Variants in AGMO observed in about 807,000 individuals in gnomAD.
AGMO encodes the protein alkylglycerol monooxygenase.
AGMO carries 75 observed loss-of-function variants against 60.2 expected under a neutral mutation model. The ratio of observed to expected loss-of-function variants is 1.25; its 90% CI spans 1.03 to 1.51. The LOEUF is 1.51. AGMO is among the 40% of genes most tolerant of loss of function. The probability of loss-of-function intolerance (pLI) is 0.00; values close to 1 mark genes in which losing one functional copy is unlikely to be tolerated. For missense variants in AGMO, 763 were observed against 525.5 expected (o/e 1.45, Z -4.42); for synonymous variants, 261 against 177.1 (o/e 1.47, Z -3.76).
chr7:15,241,414 A>G (rs888083991), intron 12 of AGMO, among the ~76,000 whole-genome samples: 4 of 133,432 alleles, frequency 3.0e-5, no homozygotes, highest in Admixed American at 8.9e-5. Flanking sequence ...GAGCCGGGAT[A>G]GCGCCACTGC....
chr7:15,261,179 A>C (rs962453288), intron 12 of AGMO, among the ~76,000 whole-genome samples: 1 of 152,106 alleles, frequency 6.6e-6, no homozygotes, highest in Non-Finnish European at 1.5e-5. Flanking sequence ...ACTAAATGAA[A>C]TTGAAACAAA....
intron 12 of AGMO, among the ~76,000 whole-genome samples, chr7:15,315,495 G>A (rs965315837): frequency 2.0e-5 from 3 of 151,694 alleles, no homozygotes; most frequent in Admixed American, 6.6e-5. Context: ...GCGCCACCAC[G>A]CCCAGCTAAC....
chr7:15,277,004 T>C (rs1783816491), intron 12 of AGMO, among the ~76,000 whole-genome samples: 1 of 151,942 alleles, frequency 6.6e-6, no homozygotes, highest in African/African-American at 2.4e-5. Flanking sequence ...TTTCTTACAA[T>C]CTAAAGTTTA....
intron 4 of AGMO, among the ~76,000 whole-genome samples, chr7:15,420,583 A>G (rs1780897719): frequency 6.6e-6 from 1 of 152,286 alleles, no homozygotes; most frequent in Non-Finnish European, 1.5e-5. Context: ...AATTTTTACA[A>G]TCGAAAGCAG....
intron 10 of AGMO, among the ~76,000 whole-genome samples, chr7:15,372,787 C>A (rs1344902222): frequency 2.6e-5 from 4 of 152,094 alleles, no homozygotes; most frequent in Non-Finnish European, 5.9e-5. Context: ...AAATTATATA[C>A]TGCTGGTTTA....
chr7:15,376,107 T>G (rs906353442), intron 10 of AGMO, among the ~76,000 whole-genome samples: 1 of 152,144 alleles, frequency 6.6e-6, no homozygotes, highest in Non-Finnish European at 1.5e-5. Flanking sequence ...CTTTTGTTAA[T>G]AGTCTTCCGT....
intron 12 of AGMO, among the ~76,000 whole-genome samples, chr7:15,283,390 G>T (rs940001349): frequency 6.6e-6 from 1 of 151,762 alleles, no homozygotes; most frequent in African/African-American, 2.4e-5. Context: ...GCTGGAAAAA[G>T]ATATTTGATG....
intron 4 of AGMO, among the ~76,000 whole-genome samples, chr7:15,423,017 G>C (rs544171952): frequency 2.6e-5 from 4 of 152,142 alleles, no homozygotes; most frequent in Non-Finnish European, 5.9e-5. Flanking sequence ...AAGCTGCTAA[G>C]CAAATGGCTA....
chr7:15,455,632 A>G (rs1337617986), intron 3 of AGMO, among the ~76,000 whole-genome samples: 2 of 152,118 alleles, frequency 1.3e-5, no homozygotes, highest in Admixed American at 1.3e-4. Context: ...TTCTGAAAAT[A>G]TGTTTATTCT....
chr7:15,363,538 G>C (rs1424391481), intron 12 of AGMO, among the ~76,000 whole-genome samples: 1 of 152,142 alleles, frequency 6.6e-6, no homozygotes, highest in Non-Finnish European at 1.5e-5. Context: ...TAGCTACTTA[G>C]TTCTTAAGCC....
intron 12 of AGMO, among the ~76,000 whole-genome samples, chr7:15,271,480 T>C (rs536591550): frequency 1.3e-5 from 2 of 152,308 alleles, no homozygotes; most frequent in African/African-American, 2.4e-5. Flanking sequence ...TCATTATTGA[T>C]GTATAGCAAT....
At chr7:15,337,094 CA>C (rs965710972) in intron 12 of AGMO, among the ~76,000 whole-genome samples, 2 of 152,138 alleles carry the variant, frequency 1.3e-5, no homozygotes, top group African/African-American at 4.8e-5. Context: ...ATCAGGTTAG[CA>C]AAATGTCACA....
intron 3 of AGMO, among the ~76,000 whole-genome samples, chr7:15,514,115 C>A (rs868653693): frequency 1.3e-5 from 2 of 152,142 alleles, no homozygotes; most frequent in South Asian, 2.1e-4. Context: ...AGTCTTAGAT[C>A]CAACTTCCTC....
At chr7:15,117,594 G>A in the AGMO span, among the ~76,000 whole-genome samples, 18 of 152,024 alleles carry the variant, frequency 1.2e-4, no homozygotes, top group Admixed American at 5.9e-4. Flanking sequence ...TTTGGGTGAT[G>A]GGTACACAAG....
rs569794941 is a variant in AGMO, at chr7:15,390,800, G to T, written c.742+40C>A. ...AGATTTGGCTTCCTGTAAAGTAAAG[G>T]AGCTGATTTAATTTTTTGATTTTAA... is the stretch of plus-strand genomic sequence containing the variant. On this transcript the variant is annotated intron_variant, in intron 7 of 12. Transcript: ENST00000342526. 3.3e-4 allele frequency: 518 copies of T among 1,582,270 alleles called. 11 individuals are homozygous for T. The South Asian group carries it at 5.5e-3, about 17-fold the overall frequency.
In AGMO at chr7:15,270,351, T is replaced by C. The variant is rs533621105; in HGVS notation, c.1264-68992A>G. On this transcript the variant is annotated intron_variant, in intron 12 of 12. Transcript: ENST00000342526. Reference sequence around the variant, plus strand: ...ATGAGATGATATCATATTGAGATTTTAATTTACATTTCTCTGATGATCTAT... The same window carrying C: ...ATGAGATGATATCATATTGAGATTTCAATTTACATTTCTCTGATGATCTAT... Among the ~76,000 whole-genome samples, 12 of 152,176 alleles carry C rather than the reference T, an allele frequency of 7.9e-5. No homozygotes were observed. In the South Asian group the frequency reaches 2.5e-3, roughly 32 times the overall value.
the AGMO span, among the ~76,000 whole-genome samples, chr7:15,184,466 GGA>G: frequency 3.2e-5 from 4 of 124,594 alleles, no homozygotes; most frequent in African/African-American, 9.4e-5. Flanking sequence ...GAGGTAAGAA[GGA>G]AGGAAGGAAA....
the AGMO span, among the ~76,000 whole-genome samples, chr7:15,192,606 C>T: frequency 6.6e-6 from 1 of 152,114 alleles, no homozygotes; most frequent in Non-Finnish European, 1.5e-5. Flanking sequence ...GTACCAAGAG[C>T]GCAGGGTGTA....
At chr7:15,386,660 A>G (rs1783928151) in intron 9 of AGMO, among the ~76,000 whole-genome samples, 2 of 152,174 alleles carry the variant, frequency 1.3e-5, no homozygotes, top group African/African-American at 4.8e-5. Flanking sequence ...TATTTCCTTG[A>G]AACATCACAG....
Sources: gnomAD v4.1 joint callset for allele counts (sites outside exome capture counted in the v4.1 genomes callset) on GRCh38, gnomAD v4.1.1 for gene constraint, MANE v1.5 for transcripts, NCBI Gene and HGNC (gene_info 2026-07-23, HGNC 2026-07-21) for gene names.